The following GRIP1 variants were observed in gnomAD, a reference collection of about 807,000 sequenced individuals.
GRIP1 encodes the protein glutamate receptor-interacting protein 1.
In GRIP1, 45 loss-of-function variants were observed where a neutral mutation model predicts 129.9. The observed-to-expected ratio is 0.35, with a 90% CI of 0.27 to 0.44. The LOEUF is 0.44. GRIP1 is among the 20% of genes least tolerant of loss of function. GRIP1 has a pLI of 1.00. For missense variants in GRIP1, 1,196 were observed against 1,396.8 expected, an observed-to-expected ratio of 0.86 and a Z score of 2.29; for synonymous variants, 530 against 520.8, an observed-to-expected ratio of 1.02 and a Z score of -0.24.
intron 1 of GRIP1, among the ~76,000 whole-genome samples, chr12:66,847,857 T>C (rs567086422): frequency 6.6e-6 from 1 of 152,310 alleles, no homozygotes; most frequent in East Asian, 1.9e-4. Flanking sequence ...TCCTACAGCA[T>C]TTAAACTGCA....
intron 16 of GRIP1, among the ~76,000 whole-genome samples, chr12:66,396,783 T>G (rs894419699): frequency 6.6e-6 from 1 of 152,186 alleles, no homozygotes; most frequent in Non-Finnish European, 1.5e-5. Flanking sequence ...ATTTCTGTTT[T>G]CTTTAACAAA....
chr12:66,993,578 G>A (rs2042425049), intron 1 of GRIP1, among the ~76,000 whole-genome samples: 3 of 151,948 alleles, frequency 2.0e-5, no homozygotes, highest in African/African-American at 7.3e-5. Context: ...ATCACCTGAT[G>A]TCAGAAGTTT....
At chr12:66,830,780 C>T (rs1236450469) in intron 1 of GRIP1, among the ~76,000 whole-genome samples, 1 of 151,634 alleles carries the variant, frequency 6.6e-6, no homozygotes, top group Non-Finnish European at 1.5e-5. Context: ...AATGGCAGAT[C>T]CAGGATTCAA....
intron 1 of GRIP1, among the ~76,000 whole-genome samples, chr12:66,875,941 T>C (rs568936474): frequency 9.4e-4 from 143 of 152,174 alleles, no homozygotes; most frequent in African/African-American, 3.2e-3. Context: ...TATTCAAAAA[T>C]AGTGGTACAA....
chr12:66,844,401 AC>A (rs1318645477), intron 1 of GRIP1, among the ~76,000 whole-genome samples: 7 of 152,148 alleles, frequency 4.6e-5, no homozygotes, highest in African/African-American at 1.7e-4. Context: ...ACCACCTTGG[AC>A]CCATTAGGAT....
intron 16 of GRIP1, among the ~76,000 whole-genome samples, chr12:66,398,766 C>A (rs2056882873): frequency 6.6e-6 from 1 of 151,968 alleles, no homozygotes; most frequent in Non-Finnish European, 1.5e-5. Context: ...GGGCCACAAA[C>A]TATTATAATA....
intron 2 of GRIP1, among the ~76,000 whole-genome samples, chr12:66,579,781 T>C (rs1278203195): frequency 1.3e-5 from 2 of 151,762 alleles, no homozygotes; most frequent in African/African-American, 4.8e-5. Flanking sequence ...CTACATCTGA[T>C]TGGTGTCCGT....
chr12:66,872,285 G>A (rs1160308713), intron 1 of GRIP1, among the ~76,000 whole-genome samples: 3 of 152,026 alleles, frequency 2.0e-5, no homozygotes, highest in African/African-American at 7.2e-5. Context: ...AACAATCAGG[G>A]ACAGTCAGTA....
intron 1 of GRIP1, among the ~76,000 whole-genome samples, chr12:66,943,683 A>G (rs1218737910): frequency 6.6e-6 from 1 of 152,188 alleles, no homozygotes; most frequent in Non-Finnish European, 1.5e-5. Flanking sequence ...AGCTACCACA[A>G]TAATCTTTTA....
chr12:66,427,885 C>T (rs958828760), intron 14 of GRIP1, among the ~76,000 whole-genome samples: 2 of 152,174 alleles, frequency 1.3e-5, no homozygotes, highest in East Asian at 1.9e-4. Context: ...GACCTGTAAG[C>T]CCCCACTTTA....
chr12:66,491,003 CT>C (rs1001674438), intron 7 of GRIP1, among the ~76,000 whole-genome samples: 31 of 152,188 alleles, frequency 2.0e-4, no homozygotes, highest in Admixed American at 9.8e-4. Flanking sequence ...TGCTTTTACA[CT>C]GTTGGTGGGG....
At chr12:66,559,240 GA>G (rs1257170303) in intron 2 of GRIP1, among the ~76,000 whole-genome samples, 1 of 151,954 alleles carries the variant, frequency 6.6e-6, no homozygotes, top group African/African-American at 2.4e-5. Flanking sequence ...GCTGAATGGG[GA>G]AAAACTGAAA....
chr12:66,900,003 A>G (rs920871387), intron 1 of GRIP1, among the ~76,000 whole-genome samples: 2 of 152,034 alleles, frequency 1.3e-5, no homozygotes, highest in African/African-American at 2.4e-5. Flanking sequence ...TGGGCAGGAT[A>G]GCATATGTGA....
chr12:67,045,476 G>A (rs1416528749), intron 1 of GRIP1, among the ~76,000 whole-genome samples: 4 of 152,144 alleles, frequency 2.6e-5, no homozygotes, highest in African/African-American at 9.7e-5. Context: ...TGTTACAGGA[G>A]GCAACTTTCC....
chr12:66,655,672 C>T (rs1197260116), intron 1 of GRIP1, among the ~76,000 whole-genome samples: 7 of 147,916 alleles, frequency 4.7e-5, no homozygotes, highest in African/African-American at 1.3e-4. Context: ...TGCAGTGGCA[C>T]GATCTTGGCT....
At chr12:66,912,011 A>C (rs1185096463) in intron 1 of GRIP1, among the ~76,000 whole-genome samples, 1 of 152,190 alleles carries the variant, frequency 6.6e-6, no homozygotes, top group African/African-American at 2.4e-5. Context: ...TTAAAATAAA[A>C]TAATATTACC....
chr12:66,895,210 C>T (rs918079124), intron 1 of GRIP1, among the ~76,000 whole-genome samples: 1 of 152,142 alleles, frequency 6.6e-6, no homozygotes, highest in Non-Finnish European at 1.5e-5. Flanking sequence ...TCCTATAATC[C>T]CCACATGTCA....
chr12:66,522,691 C>G (rs1484502130), intron 5 of GRIP1, among the ~76,000 whole-genome samples: 4 of 152,112 alleles, frequency 2.6e-5, no homozygotes, highest in African/African-American at 9.6e-5. Context: ...TGGAGAATGA[C>G]AAGTTGAGAG....
intron 1 of GRIP1, among the ~76,000 whole-genome samples, chr12:66,723,300 C>CT (rs2036143735): frequency 2.3e-5 from 1 of 42,568 alleles, no homozygotes; most frequent in Non-Finnish European, 4.1e-5. Flanking sequence ...TTCTTTCTTT[C>CT]TTTCTTTTTT....
Sources: allele counts gnomAD v4.1 joint callset (sites outside exome capture counted in the v4.1 genomes callset), GRCh38; gene constraint gnomAD v4.1.1; transcripts MANE v1.5; gene names NCBI Gene and HGNC (gene_info 2026-07-23, HGNC 2026-07-21).